Variants in SENP6 observed in about 807,000 individuals in gnomAD.
SENP6 encodes SUMO specific peptidase 6.
A neutral mutation model predicts 134.5 loss-of-function variants in SENP6; 41 were observed. That is an observed-to-expected ratio of 0.30 (90% CI 0.24 to 0.40). The LOEUF (loss-of-function observed/expected upper bound fraction) is 0.40, where lower values mean the gene tolerates loss of function less well. Among genes scored for constraint, SENP6 ranks in the 10% least tolerant of loss-of-function variants. The pLI, the probability that SENP6 is intolerant of heterozygous loss-of-function variation, is 1.00. For synonymous variants in SENP6, 395 were observed against 429.8 expected (o/e 0.92, Z 1.00); for missense variants, 1,248 against 1,312.5 (o/e 0.95, Z 0.76).
At chr6:75,604,150 A>T (rs1228140154) in intron 1 of SENP6, among the ~76,000 whole-genome samples, 1 of 152,196 alleles carries the variant, frequency 6.6e-6, no homozygotes, top group Non-Finnish European at 1.5e-5. Flanking sequence ...AATTGGATGA[A>T]CATAGGGAGG....
At chr6:75,712,830 C>T (rs889792622) in intron 21 of SENP6, among the ~76,000 whole-genome samples, 4 of 151,886 alleles carry the variant, frequency 2.6e-5, no homozygotes, top group African/African-American at 7.3e-5. Flanking sequence ...TTTGGTTGGG[C>T]GCAGTAGCAC....
intron 6 of SENP6, chr6:75,644,057 AC>A (rs1045927924): frequency 2.9e-4 from 44 of 152,196 alleles, no homozygotes; most frequent in African/African-American, 1.0e-3. Context: ...GGTATCAGAA[AC>A]CTAGAAAATG....
chr6:75,649,185 C>T lies in SENP6; in HGVS notation c.550+1384C>T, dbSNP rs515538. 8.1e-3 allele frequency among the ~76,000 whole-genome samples: 1,228 copies of T among 151,904 alleles called. 7 individuals are homozygous for T. The highest frequency in any genetic ancestry group is 0.014 in the Non-Finnish European group (953 of 67,964). On this transcript the variant is annotated intron_variant, in intron 7 of 23. Coordinates refer to ENST00000447266, the MANE Select transcript of SENP6 (RefSeq NM_015571.4). Reference sequence around the variant, plus strand: ...CAAAAATTAGCTGGGCATGATGGCACATACCTATAATCCCAGCTACTCGGA... The same window carrying T: ...CAAAAATTAGCTGGGCATGATGGCATATACCTATAATCCCAGCTACTCGGA...
In SENP6 at chr6:75,702,923, G is replaced by C. The variant is rs768186035; in HGVS notation, c.2567G>C (p.Ser856Thr). The C allele has an allele frequency of 1.5e-5, 24 of 1,614,066 alleles. No homozygotes were observed. Among genetic ancestry groups the C allele is most frequent in the Non-Finnish European group, 2.0e-5 (24 of 1,179,982 alleles). ...SDPRYKRNICSVKYSVKKINH... is the reference protein window; with the variant it reads ...SDPRYKRNICTVKYSVKKINH... ...CCTCGTTATAAGAGAAACATATGCA[G>C]TGTAAAATACAGTGTGAAAAAAATA... is the stretch of plus-strand genomic sequence containing the variant. Residue 856 changes from serine (S) to threonine (T), a missense_variant, in exon 19 of 24, where the codon AGT becomes ACT. Coordinates refer to ENST00000447266, the MANE Select transcript of SENP6 (RefSeq NM_015571.4).
At chr6:75,623,741 C>CT (rs1768451653) in intron 2 of SENP6, among the ~76,000 whole-genome samples, 159 bp from the exon 3 acceptor site, 1 of 152,094 alleles carries the variant, frequency 6.6e-6, no homozygotes, top group Admixed American at 6.5e-5. Context: ...TGAGTAGCTG[C>CT]TACAGAGACC....
At chr6:75,629,840 AACC>A (rs1206052319) in intron 3 of SENP6, among the ~76,000 whole-genome samples, 2 of 152,214 alleles carry the variant, frequency 1.3e-5, no homozygotes, top group Non-Finnish European at 2.9e-5. Context: ...TGAGGACTGC[AACC>A]TGGGAGCATA....
intron 11 of SENP6, among the ~76,000 whole-genome samples, chr6:75,673,168 G>A (rs1027915763): frequency 2.0e-5 from 3 of 152,008 alleles, no homozygotes; most frequent in Non-Finnish European, 4.4e-5. Context: ...TTAAAAGCAA[G>A]TGCTTTTTTA....
At chr6:75,710,355 T>C (rs1005352991) in intron 20 of SENP6, among the ~76,000 whole-genome samples, 1 of 152,192 alleles carries the variant, frequency 6.6e-6, no homozygotes, top group Non-Finnish European at 1.5e-5. Context: ...ACTTTACTTT[T>C]TAGCTTCTGT....
At position 75,647,759 on chromosome 6, in the gene SENP6, G is replaced by A; in HGVS notation, c.508G>A (p.Val170Ile). ...AGAATACCCACCTCATGTCCAAAAA[G>A]TTGAAATTAATCCTGTAAGGTTAAG... ...RKEYPPHVQKVEINPVRLSRL... is the reference protein window; with the variant it reads ...RKEYPPHVQKIEINPVRLSRL... Residue 170 changes from valine (V) to isoleucine (I), a missense_variant, in exon 7 of 24, where the codon GTT (valine) becomes ATT (isoleucine). Val to Ile is a conservative substitution (Grantham distance 29). Around this residue, in one of 3 missense-constraint regions of SENP6, gnomAD observed 733 missense variants for 725.4 expected, o/e 1.01. Transcript: ENST00000447266. The A allele has an allele frequency of 6.2e-7, 1 of 1,612,688 alleles. No individual in the cohort carries two copies. Among genetic ancestry groups the A allele is most frequent in the Non-Finnish European group, 8.5e-7 (1 of 1,179,072 alleles).
chr6:75,703,116 A>T, intron 19 of SENP6, 44 bp downstream of exon 19: 3 of 1,418,134 alleles, frequency 2.1e-6, no homozygotes, highest in Non-Finnish European at 2.9e-6. Context: ...ATTCAGAATA[A>T]TCTGGATTTT....
chr6:75,715,093 A>G (rs1168738827), intron 23 of SENP6, among the ~76,000 whole-genome samples: 1 of 152,180 alleles, frequency 6.6e-6, no homozygotes, highest in Non-Finnish European at 1.5e-5. Context: ...TCTGCAGACC[A>G]TATGTAAATG....
chr6:75,624,179 T>C (rs1381856096), intron 3 of SENP6, among the ~76,000 whole-genome samples: 1 of 152,182 alleles, frequency 6.6e-6, no homozygotes, highest in African/African-American at 2.4e-5. Flanking sequence ...ATTGGTAATA[T>C]ACTGTGCATG....
intron 1 of SENP6, among the ~76,000 whole-genome samples, chr6:75,605,345 C>G (rs1766951906): frequency 6.6e-6 from 1 of 152,144 alleles, no homozygotes; most frequent in African/African-American, 2.4e-5. Flanking sequence ...AGTCTTCTGT[C>G]TTAGGTTCTG....
At chr6:75,700,240 T>A (rs1463178589) in intron 18 of SENP6, among the ~76,000 whole-genome samples, 2 of 152,142 alleles carry the variant, frequency 1.3e-5, no homozygotes, top group Admixed American at 1.3e-4. Context: ...TCTCTTGCTG[T>A]TAAAGTTAAC....
intron 1 of SENP6, among the ~76,000 whole-genome samples, chr6:75,616,489 C>A (rs74442490): frequency 1.7e-3 from 253 of 152,254 alleles, no homozygotes; most frequent in African/African-American, 5.9e-3. Flanking sequence ...TGGCACACGC[C>A]TGTAATCCTA....
chr6:75,649,399 T>C (rs1770695831), intron 7 of SENP6, among the ~76,000 whole-genome samples: 1 of 152,220 alleles, frequency 6.6e-6, no homozygotes, highest in South Asian at 2.1e-4. Context: ...CCAGGCTTGT[T>C]ACCAATAATT....
chr6:75,689,149 C>G (rs531447471), intron 16 of SENP6, among the ~76,000 whole-genome samples: 5 of 152,262 alleles, frequency 3.3e-5, no homozygotes, highest in African/African-American at 1.2e-4. Flanking sequence ...ATCACTTGAG[C>G]CCATGACAAG....
In SENP6 at chr6:75,676,070, CAG is replaced by C. The variant is rs1307460603; in HGVS notation, c.1621+18_1621+19del. On this transcript the variant is annotated intron_variant, in intron 13 of 23. Transcript: ENST00000447266. The stretch of plus-strand genomic sequence containing the variant: ...AAATTAACAAGTAAGTTGTGTAAAA[CAG>C]ATTATAATAGATAATAATAGATACT... The C allele has an allele frequency of 5.3e-6, 8 of 1,522,380 alleles. No homozygotes were observed. The highest frequency in any genetic ancestry group is 1.4e-5 in the African/African-American group (1 of 72,062). The allele number at this position is 1,522,380 out of a possible 1,614,324, so 94.3% of individuals were successfully genotyped here.
At chr6:75,662,912 T>G (rs369748108) in intron 8 of SENP6, among the ~76,000 whole-genome samples, 1 of 152,170 alleles carries the variant, frequency 6.6e-6, no homozygotes, top group Non-Finnish European at 1.5e-5. Flanking sequence ...GGAGACAGAA[T>G]TATTTTATAT....
Sources: gnomAD v4.1 joint callset for allele counts (sites outside exome capture counted in the v4.1 genomes callset) on GRCh38, gnomAD v4.1.1 for gene constraint, gnomAD v4.1.1 regional missense constraint, MANE v1.5 for transcripts, NCBI Gene and HGNC (gene_info 2026-07-23, HGNC 2026-07-21) for gene names.